The following SLC35D4 variants were observed in gnomAD, a reference collection of about 807,000 sequenced individuals.
SLC35D4 encodes UDP-N-acetylglucosamine transporter SLC35D4.
At chr18:23,316,065 T>G in the SLC35D4 span, among the ~76,000 whole-genome samples, 2 of 152,238 alleles carry the variant, frequency 1.3e-5, no homozygotes, top group Non-Finnish European at 2.9e-5. Flanking sequence ...GCATCTGCAC[T>G]GGCACAAATG....
the SLC35D4 span, among the ~76,000 whole-genome samples, chr18:23,305,395 C>G: frequency 1.3e-5 from 2 of 152,218 alleles, no homozygotes; most frequent in Admixed American, 6.5e-5. Context: ...CAATTCAGTT[C>G]TAGCAGGTTA....
chr18:23,315,281 C>T, the SLC35D4 span, among the ~76,000 whole-genome samples: 2 of 152,180 alleles, frequency 1.3e-5, no homozygotes, highest in African/African-American at 4.8e-5. Context: ...TGCCTGGAAA[C>T]ATTTCATAGG....
the SLC35D4 span, chr18:23,437,823 G>A: frequency 1.2e-6 from 2 of 1,612,990 alleles, no homozygotes; most frequent in African/African-American, 1.3e-5. Context: ...TACAAAAGGT[G>A]AGGCCGACCA....
At chr18:23,253,041 A>G in the SLC35D4 span, 1 of 1,613,024 alleles carries the variant, frequency 6.2e-7, no homozygotes, top group South Asian at 1.1e-5. Flanking sequence ...TCCTCACATT[A>G]AGCTGACACT....
At chr18:23,267,343 C>A in the SLC35D4 span, among the ~76,000 whole-genome samples, 43 of 152,118 alleles carry the variant, frequency 2.8e-4, 1 homozygote, top group Non-Finnish European at 5.4e-4. Context: ...ACTGCCAAGC[C>A]CACGCTCCTC....
chr18:23,349,696 T>G, the SLC35D4 span, among the ~76,000 whole-genome samples: 3 of 152,250 alleles, frequency 2.0e-5, no homozygotes, highest in Admixed American at 2.0e-4. Context: ...TTGCTTTACC[T>G]TCTTATAAGT....
At chr18:23,267,992 G>T in the SLC35D4 span, among the ~76,000 whole-genome samples, 13 of 152,196 alleles carry the variant, frequency 8.5e-5, no homozygotes, top group Non-Finnish European at 1.8e-4. Context: ...TAGGTCCTGG[G>T]GGCCTCATTT....
chr18:23,308,518 C>T, the SLC35D4 span, among the ~76,000 whole-genome samples: 3 of 152,092 alleles, frequency 2.0e-5, no homozygotes, highest in South Asian at 6.2e-4. Flanking sequence ...CCTAGACTCC[C>T]CTCTCTCAAA....
the SLC35D4 span, among the ~76,000 whole-genome samples, chr18:23,253,464 C>G: frequency 2.6e-5 from 4 of 152,210 alleles, no homozygotes; most frequent in African/African-American, 9.6e-5. Flanking sequence ...GCCTGGAAAA[C>G]AGAGTGAGAC....
the SLC35D4 span, among the ~76,000 whole-genome samples, chr18:23,330,495 G>T: frequency 2.0e-5 from 3 of 152,054 alleles, no homozygotes. Flanking sequence ...CTTCAATAAT[G>T]GTGAATACCC....
At chr18:23,422,402 T>G in the SLC35D4 span, among the ~76,000 whole-genome samples, 1 of 152,082 alleles carries the variant, frequency 6.6e-6, no homozygotes, top group Admixed American at 6.6e-5. Context: ...GCATTCCACC[T>G]CACCTCTTTG....
At chr18:23,387,591 T>G in the SLC35D4 span, among the ~76,000 whole-genome samples, 1 of 152,248 alleles carries the variant, frequency 6.6e-6, no homozygotes, top group Non-Finnish European at 1.5e-5. Flanking sequence ...CAGATGAATT[T>G]ATTCTTTATC....
the SLC35D4 span, among the ~76,000 whole-genome samples, chr18:23,350,364 G>A: frequency 6.6e-6 from 1 of 152,162 alleles, no homozygotes; most frequent in Non-Finnish European, 1.5e-5. Context: ...GGGCCAGAAA[G>A]GCTTCTCCCT....
At chr18:23,420,882 T>C in the SLC35D4 span, among the ~76,000 whole-genome samples, 1 of 152,156 alleles carries the variant, frequency 6.6e-6, no homozygotes, top group African/African-American at 2.4e-5. Flanking sequence ...CTATTTGAAT[T>C]TTATCTGAAA....
chr18:23,414,331 A>AAGGAAGGAAGGAAGGAAGGCAGGC, the SLC35D4 span, among the ~76,000 whole-genome samples: 174 of 140,514 alleles, frequency 1.2e-3, 1 homozygote, highest in African/African-American at 4.3e-3. Flanking sequence ...GGAAGGAAGG[A>AAGGAAGGAAGGAAGGAAGGCAGGC]AGGCAGGCAG....
chr18:23,371,926 G>GTTTTTTTGGTTT, the SLC35D4 span, among the ~76,000 whole-genome samples: 1 of 11,862 alleles, frequency 8.4e-5, no homozygotes, highest in Non-Finnish European at 1.7e-4. Flanking sequence ...TTTCTTCCTT[G>GTTTTTTTGGTTT]TTTTTTTTGT....
the SLC35D4 span, among the ~76,000 whole-genome samples, chr18:23,246,591 C>T: frequency 2.0e-4 from 30 of 151,920 alleles, no homozygotes; most frequent in Middle Eastern, 3.4e-3. Flanking sequence ...TGGGGTTTCA[C>T]CGTGTTAGCC....
At chr18:23,324,045 C>T in the SLC35D4 span, among the ~76,000 whole-genome samples, 9 of 150,686 alleles carry the variant, frequency 6.0e-5, no homozygotes, top group East Asian at 1.9e-4. Context: ...ATCACACCAC[C>T]GCACTCCACC....
chr18:23,332,237 A>T, the SLC35D4 span, among the ~76,000 whole-genome samples: 1 of 152,092 alleles, frequency 6.6e-6, no homozygotes, highest in South Asian at 2.1e-4. Flanking sequence ...GCTTACTGAG[A>T]TATAATGCAC....
Sources: gnomAD v4.1 joint callset for allele counts (sites outside exome capture counted in the v4.1 genomes callset) on GRCh38, gnomAD v4.1.1 for gene constraint, MANE v1.5 for transcripts, NCBI Gene and HGNC (gene_info 2026-07-23, HGNC 2026-07-21) for gene names.